Variants in EIF2B4 observed in about 807,000 individuals in gnomAD.
EIF2B4 encodes translation initiation factor eIF2B subunit delta.
In EIF2B4, 34 loss-of-function variants were observed where a neutral mutation model predicts 66.7. The observed-to-expected ratio is 0.51, with a 90% CI of 0.39 to 0.68. The LOEUF is 0.68. Among genes scored for constraint, EIF2B4 ranks in the 30% least tolerant of loss-of-function variants. The pLI is 0.00. For synonymous variants in EIF2B4, 278 were observed against 253.6 expected (o/e 1.10, Z -0.92); for missense variants, 618 against 657.9 (o/e 0.94, Z 0.66).
rs916246014 is a variant in EIF2B4 at position 27,364,563 on chromosome 2, T to G, written c.1409A>C (p.His470Pro). 1.2e-6 allele frequency: 2 copies of G among 1,614,054 alleles called. No homozygotes were observed. The highest frequency in any genetic ancestry group is 1.7e-6 in the Non-Finnish European group (2 of 1,180,038). The stretch of plus-strand genomic sequence containing the variant: ...GTTCTGCCAGTTAGCCAGCGCAACA[T>G]GTTCTCCCCGCTTACATTGCAGATC... Reference protein sequence around the residue: ...PDDLQCKRGEHVALANWQNHA... With the variant: ...PDDLQCKRGEPVALANWQNHA... Residue 470 changes from histidine (H) to proline (P), a missense_variant, in exon 13 of 13, where the codon CAT becomes CCT. This residue lies in a region of EIF2B4 where 63 missense variants were observed against 47.5 expected (regional missense o/e 1.33). Transcript: ENST00000347454.
chr2:27,368,998 G>T lies in EIF2B4; in HGVS notation c.418+8C>A. On this transcript the variant is annotated splice_region_variant and intron_variant, in intron 4 of 12. Transcript: ENST00000347454. ...AGTAAGGGAGGTCTTAAAATGAAGG[G>T]AAGATACCTGAGGGGGTTTCTCCAG... 6.2e-7 allele frequency: 1 copy of T among 1,614,108 alleles called. No homozygotes were observed. Among genetic ancestry groups the T allele is most frequent in the Admixed American group, 1.7e-5 (1 of 60,012 alleles).
At chr2:27,367,708 T>A in intron 8 of EIF2B4, 38 bp downstream of exon 8, 1 of 1,594,898 alleles carries the variant, frequency 6.3e-7, no homozygotes, top group East Asian at 2.2e-5. Flanking sequence ...AGACAAAGAT[T>A]GGGCGAGCTG....
Position 27,367,762 on chromosome 2 carries a change from G to A in EIF2B4, c.766C>T (p.Leu256=), listed in dbSNP as rs1278126607. ...TGTCCCTACCTCATGTAGGGTTTTA[G>A]TTTATTCACTAGATCCCTGGAGAGT... ...EELSRDLVNK[L]KPYMSFLTQC... is the part of the protein sequence containing the mutation. The change falls in exon 8 of 13, where the codon CTA becomes TTA. Residue 256 remains leucine, a synonymous_variant. Coordinates refer to ENST00000347454, the MANE Select transcript of EIF2B4 (RefSeq NM_001034116.2). 2 of 1,614,062 alleles carry A rather than the reference G, an allele frequency of 1.2e-6. No homozygotes were observed.
rs1228497385 is a variant in EIF2B4 at position 27,369,091 on chromosome 2, C to T, written c.333G>A (p.Glu111=). 1 of 1,614,148 alleles carries T rather than the reference C, an allele frequency of 6.2e-7. No homozygotes were observed. The highest frequency in any genetic ancestry group is 8.5e-7 in the Non-Finnish European group (1 of 1,180,026). The change falls in exon 4 of 13, where the codon GAG becomes GAA. Residue 111 remains glutamate, a synonymous_variant. Coordinates refer to ENST00000347454, the MANE Select transcript of EIF2B4 (RefSeq NM_001034116.2). ...RAERRAKQEA[E]RALKQARKGE... is the part of the protein sequence containing the mutation. The stretch of plus-strand genomic sequence containing the variant: ...CTTTTCTTGCCTGTTTCAGGGCCCG[C>T]TCGGCCTCCTGCTTGGCTCGACGCT...
At chr2:27,367,414 T>G (rs1372699452) in intron 9 of EIF2B4, 43 bp downstream of exon 9, 25 of 1,611,952 alleles carry the variant, frequency 1.6e-5, no homozygotes, top group Non-Finnish European at 2.0e-5. Context: ...TTTCTTAATT[T>G]TACCCACAGG....
rs1681889674 is a variant in EIF2B4 at position 27,366,739 on chromosome 2, TC to T, written c.1191+19del. The T allele has an allele frequency of 1.9e-6, 3 of 1,613,918 alleles. No individual in the cohort carries two copies. Among genetic ancestry groups the T allele is most frequent in the Non-Finnish European group, 2.5e-6 (3 of 1,179,974 alleles). On this transcript the variant is annotated intron_variant, in intron 11 of 12. Coordinates refer to ENST00000347454, the MANE Select transcript of EIF2B4 (RefSeq NM_001034116.2). ...CACCTTTTCACCGCCAACTTTGGAG[TC>T]CTTTTCCTCTGTACTTACCTCTGGG...
Position 27,366,963 on chromosome 2 carries a change from G to T in EIF2B4, c.1014-27C>A, listed in dbSNP as rs764140570. ...TAGAGTGAATGAAGAGGAGGATTCA[G>T]TTATAAATGTCAGTAACTGATGACT... On this transcript the variant is annotated intron_variant, in intron 10 of 12. Transcript: ENST00000347454. 3 of 1,613,998 alleles carry T rather than the reference G, an allele frequency of 1.9e-6. No homozygotes were observed. The Middle Eastern group carries it at 4.9e-4, about 265-fold the overall frequency.
intron 5 of EIF2B4, 92 bp from the exon 6 acceptor site, chr2:27,368,555 C>T: frequency 1.3e-6 from 2 of 1,556,938 alleles, no homozygotes; most frequent in Non-Finnish European, 1.8e-6. Flanking sequence ...ACTACTCTGA[C>T]CCAAGCACCT....
In EIF2B4 at chr2:27,368,453, C is replaced by T. The variant is rs1439504604; in HGVS notation, c.509G>A (p.Arg170Gln). 1.2e-6 allele frequency: 2 copies of T among 1,613,880 alleles called. No homozygotes were observed. Among genetic ancestry groups the T allele is most frequent in the Non-Finnish European group, 8.5e-7 (1 of 1,179,832 alleles). Residue 170 changes from arginine to glutamine, a missense_variant, in exon 6 of 13, where the codon CGA becomes CAA. Coordinates refer to ENST00000347454, the MANE Select transcript of EIF2B4 (RefSeq NM_001034116.2). ...ACTGACTTTGGATCCATAATCCTTT[C>T]GTGTAGGAACCTTGACAAAACAAGG... ...KKPERQQVPTRKDYGSKVSLF... is the reference protein window; with the variant it reads ...KKPERQQVPTQKDYGSKVSLF...
Position 27,369,525 on chromosome 2 carries a change from C to T in EIF2B4, c.100G>A (p.Glu34Lys), listed in dbSNP as rs775357878. Residue 34 changes from glutamate to lysine, a missense_variant, in exon 3 of 13, where the codon GAA becomes AAA. Physicochemically the swap from Glu to Lys is moderately conservative, Grantham distance 56. This residue lies in a region of EIF2B4 where 506 missense variants were observed against 511.9 expected (regional missense o/e 0.99). Coordinates refer to ENST00000347454, the MANE Select transcript of EIF2B4 (RefSeq NM_001034116.2). ...PGAVGREMTKEEKLQLRKEKK... is the reference protein window; with the variant it reads ...PGAVGREMTKKEKLQLRKEKK... ...TCCTTCCGAAGCTGCAGCTTTTCTT[C>T]TTTGGTCATTTCCCTCCCCACTGCC... 15 of 1,614,046 alleles carry T rather than the reference C, an allele frequency of 9.3e-6. No individual in the cohort carries two copies. The highest frequency in any genetic ancestry group is 1.7e-5 in the Admixed American group (1 of 59,996).
chr2:27,369,791 C>T (rs1572613975), intron 2 of EIF2B4, 85 bp downstream of exon 2: 23 of 1,495,120 alleles, frequency 1.5e-5, no homozygotes, highest in East Asian at 7.4e-5. Context: ...TAAACCGACA[C>T]GGGATGGGAG....
chr2:27,368,172 G>A (rs1199208431), intron 6 of EIF2B4, 33 bp from the exon 7 acceptor site: 3 of 1,537,084 alleles, frequency 2.0e-6, no homozygotes, highest in South Asian at 2.4e-5. Flanking sequence ...TACTTTGAAA[G>A]GGAGCTTGAG....
Position 27,367,448 on chromosome 2 carries a change from A to C in EIF2B4, c.885+9T>G. The stretch of plus-strand genomic sequence containing the variant: ...GGTGCATGCCTTCCTTATTTCTCAT[A>C]CTCATCACCTCCTCTTCCCGCTTGG... On this transcript the variant is annotated intron_variant, in intron 9 of 12. Transcript: ENST00000347454. 6.2e-7 allele frequency: 1 copy of C among 1,613,668 alleles called. No individual in the cohort carries two copies. Among genetic ancestry groups the C allele is most frequent in the East Asian group, 2.2e-5 (1 of 44,874 alleles).
rs772479767 is a variant in EIF2B4 at position 27,364,495 on chromosome 2, G to T, written c.1477C>A (p.Pro493Thr). 15 of 1,614,078 alleles carry T rather than the reference G, an allele frequency of 9.3e-6. No individual in the cohort carries two copies. The Middle Eastern group carries it at 1.2e-3, about 124-fold the overall frequency. ...RLLNLVYDVT[P>T]PELVDLVITE... ...ATCACCAGATCCACAAGCTCTGGGG[G>T]AGTCACATCATAGACTAGATTCAAC... Residue 493 changes from proline to threonine, a missense_variant, in exon 13 of 13, where the codon CCC becomes ACC. Transcript: ENST00000347454.
chr2:27,367,693 G>A lies in EIF2B4; in HGVS notation c.782+53C>T, dbSNP rs372675002. On this transcript the variant is annotated intron_variant, in intron 8 of 12. Transcript: ENST00000347454. Reference sequence around the variant, plus strand: ...GAGAGATAGAAAAGCAGGAAAAAGAGTACAAGACAAAGATTGGGCGAGCTG... The same window carrying A: ...GAGAGATAGAAAAGCAGGAAAAAGAATACAAGACAAAGATTGGGCGAGCTG... 3,986 of 1,589,738 alleles carry A rather than the reference G, an allele frequency of 2.5e-3. 13 individuals are homozygous for A. The highest frequency in any genetic ancestry group is 7.3e-3 in the South Asian group (663 of 90,542).
At chr2:27,370,046 C>A (rs913739375) in intron 1 of EIF2B4, 127 bp from the exon 2 acceptor site, 1 of 1,508,852 alleles carries the variant, frequency 6.6e-7, no homozygotes, top group Non-Finnish European at 8.9e-7. Flanking sequence ...GCGAGGCGAG[C>A]CAGGGATCCG....
rs190094387 is a variant in EIF2B4, at chr2:27,366,567, C to T, written c.1191+192G>A. 1.2e-5 allele frequency: 8 copies of T among 677,350 alleles called. No individual in the cohort carries two copies. In the Admixed American group the frequency reaches 1.5e-4, roughly 13 times the overall value. 42.0% of individuals were successfully genotyped at this position (677,350 alleles called of 1,614,324 possible). On this transcript the variant is annotated intron_variant, in intron 11 of 12. Coordinates refer to ENST00000347454, the MANE Select transcript of EIF2B4 (RefSeq NM_001034116.2). ...TGGTGGCACACACCAGTAGTCCCAG[C>T]TACTCAGAGGCGGAGGTGGGAAGAT...
intron 4 of EIF2B4, 107 bp from the exon 5 acceptor site, chr2:27,368,840 G>T: frequency 3.5e-6 from 5 of 1,431,244 alleles, no homozygotes; most frequent in Non-Finnish European, 4.9e-6. Context: ...TGGAGAAAAC[G>T]GGAGAATAGG....
chr2:27,369,351 T>G (rs1682157648), intron 3 of EIF2B4, 63 bp downstream of exon 3: 1 of 1,609,806 alleles, frequency 6.2e-7, no homozygotes, highest in Non-Finnish European at 8.5e-7. Flanking sequence ...CTCCCTTATC[T>G]CTCCCACCAC....
Sources: gnomAD v4.1 joint callset for allele counts on GRCh38, gnomAD v4.1.1 for gene constraint, gnomAD v4.1.1 regional missense constraint, MANE v1.5 for transcripts, NCBI Gene and HGNC (gene_info 2026-07-23, HGNC 2026-07-21) for gene names.